The following GRID1 variants were observed in gnomAD, a reference collection of about 807,000 sequenced individuals.
GRID1 encodes the protein glutamate receptor ionotropic, delta-1.
A neutral mutation model predicts 98.0 loss-of-function variants in GRID1; 28 were observed. That is an observed-to-expected ratio of 0.29 (90% CI 0.21 to 0.39). The LOEUF is 0.39. Ranked by LOEUF, GRID1 falls within the 10% of genes least tolerant of loss-of-function variation. The pLI is 1.00. For synonymous variants in GRID1, 553 were observed against 538.5 expected (o/e 1.03, Z -0.37); for missense variants, 1,111 against 1,340.5 (o/e 0.83, Z 2.67).
chr10:85,634,279 TCTCTCTCTCTCTCA>T (rs1378758731), intron 13 of GRID1, among the ~76,000 whole-genome samples: 8 of 145,532 alleles, frequency 5.5e-5, no homozygotes, highest in Middle Eastern at 3.4e-3. Flanking sequence ...TCTCTCTCTC[TCTCTCTCTCTCTCA>T]CACACACACA....
intron 2 of GRID1, among the ~76,000 whole-genome samples, chr10:86,291,012 A>C (rs1251296628): frequency 6.6e-6 from 1 of 152,148 alleles, no homozygotes; most frequent in Non-Finnish European, 1.5e-5. Flanking sequence ...CAAAGGGAGG[A>C]GCAGCAAAGC....
chr10:86,194,774 C>A (rs1037763177), intron 3 of GRID1, among the ~76,000 whole-genome samples: 2 of 152,064 alleles, frequency 1.3e-5, no homozygotes, highest in Non-Finnish European at 2.9e-5. Context: ...GGTCTCTGCT[C>A]AGCCCTCCTC....
At chr10:85,615,188 G>A (rs887589977) in intron 14 of GRID1, among the ~76,000 whole-genome samples, 1 of 152,170 alleles carries the variant, frequency 6.6e-6, no homozygotes, top group Non-Finnish European at 1.5e-5. Context: ...CCCTGAGGGG[G>A]TCCCAAGATG....
intron 10 of GRID1, among the ~76,000 whole-genome samples, chr10:85,726,647 G>A (rs942369332): frequency 3.3e-5 from 5 of 152,232 alleles, no homozygotes; most frequent in Admixed American, 1.3e-4. Flanking sequence ...CACACACTAC[G>A]TGGAAAGAAC....
At chr10:86,248,381 C>T (rs935127921) in intron 2 of GRID1, among the ~76,000 whole-genome samples, 31 of 152,004 alleles carry the variant, frequency 2.0e-4, no homozygotes, top group Admixed American at 1.4e-3. Flanking sequence ...AGAGGGAGGG[C>T]GGAGGGATTG....
At chr10:85,651,988 A>G (rs185275464) in intron 12 of GRID1, among the ~76,000 whole-genome samples, 2 of 152,286 alleles carry the variant, frequency 1.3e-5, no homozygotes, top group Non-Finnish European at 1.5e-5. Flanking sequence ...GTATCTCCTG[A>G]CCTGGATTAC....
intron 13 of GRID1, among the ~76,000 whole-genome samples, chr10:85,635,881 A>C (rs1843034843): frequency 6.6e-6 from 1 of 152,256 alleles, no homozygotes; most frequent in Non-Finnish European, 1.5e-5. Context: ...CTGAAGTTTC[A>C]TTCTGATCAC....
At chr10:86,279,634 CA>C (rs1237560092) in intron 2 of GRID1, among the ~76,000 whole-genome samples, 6 of 152,210 alleles carry the variant, frequency 3.9e-5, no homozygotes, top group African/African-American at 1.4e-4. Flanking sequence ...TAAAAACCTA[CA>C]GCTAACATCA....
rs972630789 is a variant in GRID1 at position 86,195,638 on chromosome 10, C to A, written c.520+10726G>T. Among the ~76,000 whole-genome samples the A allele has an allele frequency of 6.6e-6, 1 of 152,118 alleles. No homozygotes were observed. On this transcript the variant is annotated intron_variant, in intron 3 of 15. Transcript: ENST00000327946. This position sits in a 1 kb window ranked among gnomAD's most constrained non-coding sequence, Gnocchi z 4.4. ...TGGCTGGGGGTTGGCAGCAAACAAG[C>A]CCCCGCGGCGACCACGCCATCAGGT...
chr10:85,741,206 A>C (rs1278419117), intron 8 of GRID1, among the ~76,000 whole-genome samples: 3 of 152,114 alleles, frequency 2.0e-5, no homozygotes, highest in Non-Finnish European at 4.4e-5. Context: ...AGGGTCCCAG[A>C]TTATGCCTCA....
chr10:85,937,436 G>A (rs1841941776), intron 4 of GRID1, among the ~76,000 whole-genome samples: 1 of 152,176 alleles, frequency 6.6e-6, no homozygotes, highest in Non-Finnish European at 1.5e-5. Context: ...ATCAGAAAAG[G>A]ACCATTTCTC....
At chr10:85,888,135 T>C (rs956940742) in intron 5 of GRID1, among the ~76,000 whole-genome samples, 2 of 152,238 alleles carry the variant, frequency 1.3e-5, no homozygotes, top group Non-Finnish European at 2.9e-5. Context: ...AGCCATTGTT[T>C]GAAAAGTAGT....
At chr10:85,721,886 G>C (rs955917505) in intron 12 of GRID1, among the ~76,000 whole-genome samples, 1 of 152,296 alleles carries the variant, frequency 6.6e-6, no homozygotes, top group Non-Finnish European at 1.5e-5. Flanking sequence ...GAGGGGAACA[G>C]TGAATAAAAT....
At chr10:85,622,531 A>G (rs1212009634) in intron 13 of GRID1, among the ~76,000 whole-genome samples, 1 of 152,174 alleles carries the variant, frequency 6.6e-6, no homozygotes, top group Non-Finnish European at 1.5e-5. Flanking sequence ...TCACGCCACT[A>G]TGCCAGGCTG....
intron 8 of GRID1, among the ~76,000 whole-genome samples, chr10:85,750,933 G>C (rs934249608): frequency 1.3e-5 from 2 of 152,210 alleles, no homozygotes; most frequent in East Asian, 1.9e-4. Flanking sequence ...ATAATGATCA[G>C]AGATTGTATT....
intron 12 of GRID1, among the ~76,000 whole-genome samples, chr10:85,710,516 C>A (rs1308086241): frequency 1.3e-5 from 2 of 151,984 alleles, no homozygotes; most frequent in Non-Finnish European, 2.9e-5. Flanking sequence ...TCATAAAACT[C>A]CCAGAAGAAA....
At chr10:85,959,661 C>T (rs990304510) in intron 4 of GRID1, among the ~76,000 whole-genome samples, 5 of 152,022 alleles carry the variant, frequency 3.3e-5, no homozygotes, top group African/African-American at 9.7e-5. Flanking sequence ...TTCTTTTGCT[C>T]AGCATAATGT....
chr10:86,031,158 C>G (rs1171756321), intron 4 of GRID1, among the ~76,000 whole-genome samples: 2 of 152,026 alleles, frequency 1.3e-5, no homozygotes, highest in Non-Finnish European at 2.9e-5. Context: ...AACCTCCACT[C>G]CTAAATGGAA....
At chr10:86,111,827 C>A (rs186952483) in intron 4 of GRID1, among the ~76,000 whole-genome samples, 249 of 152,330 alleles carry the variant, frequency 1.6e-3, no homozygotes, top group African/African-American at 5.7e-3. Flanking sequence ...GGATTAGGTG[C>A]AGCCTTAACC....
Sources: allele counts gnomAD v4.1 joint callset (sites outside exome capture counted in the v4.1 genomes callset), GRCh38; gene constraint gnomAD v4.1.1; non-coding constraint Gnocchi (gnomAD v3.1); transcripts MANE v1.5; gene names NCBI Gene and HGNC (gene_info 2026-07-23, HGNC 2026-07-21).